The following PTPRK variants were observed in gnomAD, a reference collection of about 807,000 sequenced individuals.
The protein encoded by PTPRK is receptor-type tyrosine-protein phosphatase kappa.
PTPRK carries 75 observed loss-of-function variants against 178.0 expected under a neutral mutation model. The ratio of observed to expected loss-of-function variants is 0.42; its 90% CI spans 0.35 to 0.51. The LOEUF (loss-of-function observed/expected upper bound fraction) is 0.51, where lower values mean the gene tolerates loss of function less well. PTPRK is among the 20% of genes least tolerant of loss of function. The probability of loss-of-function intolerance (pLI) is 0.02; values close to 1 mark genes in which losing one functional copy is unlikely to be tolerated. For missense variants in PTPRK, 1,441 were observed against 1,797.8 expected (o/e 0.80, Z 3.59); for synonymous variants, 637 against 620.6 (o/e 1.03, Z -0.39).
At chr6:128,033,813 G>A (rs972028354) in intron 13 of PTPRK, among the ~76,000 whole-genome samples, 1 of 151,934 alleles carries the variant, frequency 6.6e-6, no homozygotes, top group Non-Finnish European at 1.5e-5. Context: ...GGTGGAAGCT[G>A]TAGTTAGCTA....
intron 21 of PTPRK, 58 bp downstream of exon 21, chr6:127,990,711 T>A: frequency 8.9e-7 from 1 of 1,128,346 alleles, no homozygotes; most frequent in Non-Finnish European, 1.3e-6. Flanking sequence ...TGGCAAAGAT[T>A]TTAAGAGAAA....
intron 3 of PTPRK, among the ~76,000 whole-genome samples, chr6:128,249,103 C>T (rs1816012211): frequency 6.6e-6 from 1 of 151,742 alleles, no homozygotes; most frequent in Non-Finnish European, 1.5e-5. Flanking sequence ...ATTTTCTCAG[C>T]TATAAGTAAT....
At chr6:128,202,224 C>T (rs975409893) in intron 6 of PTPRK, among the ~76,000 whole-genome samples, 3 of 152,122 alleles carry the variant, frequency 2.0e-5, no homozygotes, top group Admixed American at 6.5e-5. Context: ...TGGCCCACTT[C>T]GGGGAGACAT....
rs1255314738 is a variant in PTPRK at position 127,995,503 on chromosome 6, C to T, written c.2803G>A (p.Asp935Asn). 1 of 1,599,018 alleles carries T rather than the reference C, an allele frequency of 6.3e-7. No homozygotes were observed. The highest frequency in any genetic ancestry group is 2.2e-5 in the East Asian group (1 of 44,720). The change falls in exon 18 of 30, where the codon GAT becomes AAT. Residue 935 changes from aspartate to asparagine, a missense_variant. Physicochemically the swap from Asp to Asn is conservative, Grantham distance 23 (BLOSUM62 1). Coordinates refer to ENST00000368226, the MANE Select transcript of PTPRK (RefSeq NM_002844.4). ...TTAATATAATCTGAGGAAGGATCATCCTCTACGGGTTGCAAAATCACTCTG... is the reference window on the plus strand; with the variant it reads ...TTAATATAATCTGAGGAAGGATCATTCTCTACGGGTTGCAAAATCACTCTG... ...HSRVILQPVE[D>N]DPSSDYINAN...
chr6:128,165,089 TA>T (rs35706496), intron 7 of PTPRK, among the ~76,000 whole-genome samples: 2 of 151,068 alleles, frequency 1.3e-5, no homozygotes, highest in African/African-American at 4.8e-5. Flanking sequence ...CAAATTATGC[TA>T]AAACTAATAT....
intron 2 of PTPRK, among the ~76,000 whole-genome samples, chr6:128,379,790 G>A (rs1286486423): frequency 6.6e-6 from 1 of 152,148 alleles, no homozygotes; most frequent in Non-Finnish European, 1.5e-5. Flanking sequence ...GCTAGACAGA[G>A]GGAAAAAGCC....
intron 8 of PTPRK, chr6:128,085,361 C>T (rs547938790): frequency 6.6e-6 from 1 of 152,340 alleles, no homozygotes; most frequent in South Asian, 2.1e-4. Context: ...ATTGGTTTGT[C>T]TTGCAAGAGT....
intron 1 of PTPRK, among the ~76,000 whole-genome samples, chr6:128,430,842 G>A (rs144477828): frequency 5.0e-4 from 76 of 152,188 alleles, no homozygotes; most frequent in Non-Finnish European, 8.2e-4. Context: ...ACCTGGAGAC[G>A]TGAACATACC....
At chr6:127,987,357 G>A (rs1776098112) in intron 21 of PTPRK, among the ~76,000 whole-genome samples, 1 of 151,822 alleles carries the variant, frequency 6.6e-6, no homozygotes, top group South Asian at 2.1e-4. Context: ...CCATATTCTG[G>A]AACATGGTGC....
At chr6:128,396,771 G>A (rs1271946623) in intron 2 of PTPRK, among the ~76,000 whole-genome samples, 9 of 152,094 alleles carry the variant, frequency 5.9e-5, no homozygotes, top group East Asian at 3.9e-4. Flanking sequence ...AGGCCGAGGC[G>A]GGCGGATCAC....
At chr6:128,317,817 CAG>C (rs1241627889) in intron 3 of PTPRK, among the ~76,000 whole-genome samples, 3 of 152,104 alleles carry the variant, frequency 2.0e-5, no homozygotes, top group African/African-American at 7.2e-5. Flanking sequence ...AGTTTCCTGG[CAG>C]ACTTTCCTTC....
Position 128,170,064 on chromosome 6 carries a change from T to C in PTPRK, c.1162+14368A>G, listed in dbSNP as rs897791038. Among the ~76,000 whole-genome samples, 8 of 152,216 alleles carry C rather than the reference T, an allele frequency of 5.3e-5. No homozygotes were observed. The South Asian group carries it at 6.2e-4, about 12-fold the overall frequency. ...AAATTAGACTGTGAGCAAGTTTTAATAATGGCAATATGATTTCCTAAATTA... is the reference window on the plus strand; with the variant it reads ...AAATTAGACTGTGAGCAAGTTTTAACAATGGCAATATGATTTCCTAAATTA... On this transcript the variant is annotated intron_variant, in intron 7 of 29. Coordinates refer to ENST00000368226, the MANE Select transcript of PTPRK (RefSeq NM_002844.4).
At chr6:128,278,123 TTTTATTTATTTATTTATTTA>T (rs201597116) in intron 3 of PTPRK, among the ~76,000 whole-genome samples, 16 of 143,714 alleles carry the variant, frequency 1.1e-4, no homozygotes, top group East Asian at 4.2e-4. Flanking sequence ...TTTTTGTGTT[TTTTATTTATTTATTTATTTA>T]TTTATTTATT....
At chr6:128,319,986 C>T (rs564485903) in intron 3 of PTPRK, among the ~76,000 whole-genome samples, 77 of 152,126 alleles carry the variant, frequency 5.1e-4, no homozygotes, top group Non-Finnish European at 1.1e-3. Context: ...GAGAGCAAAA[C>T]AATCACTTAA....
intron 3 of PTPRK, among the ~76,000 whole-genome samples, chr6:128,310,894 A>G (rs1827147778): frequency 6.6e-6 from 1 of 152,136 alleles, no homozygotes; most frequent in Non-Finnish European, 1.5e-5. Flanking sequence ...TTGGTACTTA[A>G]AGCAAATAAA....
intron 7 of PTPRK, among the ~76,000 whole-genome samples, chr6:128,142,906 G>C (rs1428075249): frequency 6.6e-6 from 1 of 151,886 alleles, no homozygotes; most frequent in East Asian, 1.9e-4. Context: ...GAGACAATTT[G>C]GTACATTGTT....
chr6:128,017,798 A>ATG (rs1398617531), intron 13 of PTPRK, among the ~76,000 whole-genome samples: 100 of 68,960 alleles, frequency 1.5e-3, no homozygotes, highest in African/African-American at 3.6e-3. Flanking sequence ...ATAAATATAT[A>ATG]TGTGTATATA....
In PTPRK at chr6:128,123,124, C is replaced by T. The variant is rs1242964876; in HGVS notation, c.1163-33132G>A. On this transcript the variant is annotated intron_variant, in intron 7 of 29. Coordinates refer to ENST00000368226, the MANE Select transcript of PTPRK (RefSeq NM_002844.4). ...GAATCTGAAAAGGAGAAAACAGAAA[C>T]ATAGGAAAGATGAACATGAGAAGAT... 2.0e-5 allele frequency among the ~76,000 whole-genome samples: 3 copies of T among 152,036 alleles called. No homozygotes were observed. The East Asian group carries it at 5.8e-4, about 29-fold the overall frequency.
intron 1 of PTPRK, among the ~76,000 whole-genome samples, chr6:128,416,284 G>A (rs1470676981): frequency 6.6e-5 from 10 of 151,902 alleles, no homozygotes; most frequent in Non-Finnish European, 1.0e-4. Flanking sequence ...CATGATTAAC[G>A]ATTAATGCAG....
Sources: gnomAD v4.1 joint callset for allele counts (sites outside exome capture counted in the v4.1 genomes callset) on GRCh38, gnomAD v4.1.1 for gene constraint, MANE v1.5 for transcripts, NCBI Gene and HGNC (gene_info 2026-07-23, HGNC 2026-07-21) for gene names.